Variants in COLQ observed in about 807,000 individuals in gnomAD.
COLQ encodes the protein collagen like tail subunit of asymmetric acetylcholinesterase.
In COLQ, 48 loss-of-function variants were observed where a neutral mutation model predicts 69.0. That is an observed-to-expected ratio of 0.70 (90% confidence interval 0.55 to 0.88). The LOEUF (loss-of-function observed/expected upper bound fraction) is 0.88, where lower values mean the gene tolerates loss of function less well. Among genes scored for constraint, COLQ ranks in the 40% least tolerant of loss-of-function variants. The probability of loss-of-function intolerance (pLI) is 0.00; values close to 1 mark genes in which losing one functional copy is unlikely to be tolerated. For missense variants in COLQ, 618 were observed against 594.6 expected (o/e 1.04, Z -0.41); for synonymous variants, 217 against 211.2 (o/e 1.03, Z -0.24).
intron 12 of COLQ, among the ~76,000 whole-genome samples, chr3:15,461,880 C>T (rs1008517578): frequency 1.1e-4 from 16 of 150,028 alleles, no homozygotes; most frequent in Admixed American, 2.6e-4. Context: ...CAGTTTTTTC[C>T]CCCCCGAGAA....
chr3:15,490,700 A>C (rs1051738811), intron 1 of COLQ, among the ~76,000 whole-genome samples: 1 of 152,256 alleles, frequency 6.6e-6, no homozygotes, highest in African/African-American at 2.4e-5. Context: ...ATCCACCAGA[A>C]TGGCTAAAGC....
chr3:15,464,254 G>A (rs528575406), intron 12 of COLQ, among the ~76,000 whole-genome samples: 1 of 152,308 alleles, frequency 6.6e-6, no homozygotes, highest in African/African-American at 2.4e-5. Flanking sequence ...TCCTTGGAAA[G>A]TTGAACTGTG....
chr3:15,483,346 AT>A (rs2125129662), intron 3 of COLQ, among the ~76,000 whole-genome samples: 1 of 152,234 alleles, frequency 6.6e-6, no homozygotes, highest in South Asian at 2.1e-4. Flanking sequence ...TCTTGTGGGC[AT>A]TTAGTGCTAT....
intron 12 of COLQ, among the ~76,000 whole-genome samples, chr3:15,459,791 T>TTTA (rs3067773): frequency 0.35 from 52,609 of 149,946 alleles, 9,484 homozygotes; most frequent in East Asian, 0.51. Flanking sequence ...GCACCCATAT[T>TTTA]TTATTATTAT....
At chr3:15,472,556 A>C (rs9855575) in intron 10 of COLQ, among the ~76,000 whole-genome samples, 8,954 of 152,298 alleles carry the variant, frequency 0.059, 433 homozygotes, top group African/African-American at 0.13. Flanking sequence ...TGGTTTGAGA[A>C]CTATGTTAAA....
intron 8 of COLQ, among the ~76,000 whole-genome samples, 188 bp downstream of exon 8, chr3:15,474,737 C>T (rs2062349261): frequency 6.6e-6 from 1 of 152,210 alleles, no homozygotes; most frequent in South Asian, 2.1e-4. Flanking sequence ...CTTCTCTTAC[C>T]AGCTTGCCCT....
chr3:15,483,318 T>G (rs931246451), intron 3 of COLQ, among the ~76,000 whole-genome samples: 1 of 152,242 alleles, frequency 6.6e-6, no homozygotes, highest in Non-Finnish European at 1.5e-5. Context: ...GTGTCTATTT[T>G]AGATCTTTCC....
chr3:15,465,354 C>T lies in COLQ; in HGVS notation c.814+987G>A, dbSNP rs1342316356. ...CGATCTCGACTCACTGCAAGCTCCG[C>T]CTCCCAGGTTCATGCCGTTCTCCTG... On this transcript the variant is annotated intron_variant, in intron 12 of 16. Transcript: ENST00000383788. Among the ~76,000 whole-genome samples the T allele has an allele frequency of 2.0e-5, 3 of 150,352 alleles. No homozygotes were observed. The East Asian group carries it at 5.9e-4, about 30-fold the overall frequency.
intron 3 of COLQ, among the ~76,000 whole-genome samples, chr3:15,487,247 G>A (rs975678491): frequency 1.3e-5 from 2 of 152,182 alleles, no homozygotes; most frequent in African/African-American, 4.8e-5. Flanking sequence ...GTCCTGAGTG[G>A]CCAACAGGAG....
In COLQ at chr3:15,453,948, A is replaced by C; in HGVS notation, c.1196-17T>G. On this transcript the variant is annotated splice_polypyrimidine_tract_variant and intron_variant, in intron 15 of 16. Transcript: ENST00000383788. ...GGTGACAGCCTGAGGGGACATAAGG[A>C]GGTGCAGTCTTGAGAAGGAGCAGAG... The C allele has an allele frequency of 3.2e-6, 5 of 1,574,198 alleles. No individual in the cohort carries two copies. The highest frequency in any genetic ancestry group is 4.3e-6 in the Non-Finnish European group (5 of 1,151,416).
At chr3:15,503,147 C>G (rs2062855825) in intron 1 of COLQ, among the ~76,000 whole-genome samples, 1 of 152,224 alleles carries the variant, frequency 6.6e-6, no homozygotes, top group Admixed American at 6.5e-5. Flanking sequence ...GCTGTCCTCA[C>G]TGCTCTAGTC....
chr3:15,498,160 G>T (rs936228709), intron 1 of COLQ, among the ~76,000 whole-genome samples: 5 of 152,042 alleles, frequency 3.3e-5, no homozygotes, highest in African/African-American at 1.2e-4. Flanking sequence ...TCAAAGCCAA[G>T]GTACCAGCTG....
intron 1 of COLQ, among the ~76,000 whole-genome samples, chr3:15,520,391 G>A (rs1272987330): frequency 3.9e-5 from 6 of 152,248 alleles, no homozygotes; most frequent in South Asian, 2.1e-4. Context: ...GCCCACAAAC[G>A]TTGGCTACAC....
At chr3:15,477,443 T>C in intron 5 of COLQ, 1 of 514,628 alleles carries the variant, frequency 1.9e-6, no homozygotes, top group South Asian at 2.2e-5. Flanking sequence ...ACTTCTTGGT[T>C]TTTTAATTTT....
chr3:15,482,908 G>A (rs2062513709), intron 3 of COLQ, among the ~76,000 whole-genome samples: 1 of 152,158 alleles, frequency 6.6e-6, no homozygotes, highest in Admixed American at 6.5e-5. Context: ...GGTCAATTCA[G>A]GGATTCAGCT....
Position 15,474,045 on chromosome 3 carries a change from G to A in COLQ, c.601-10C>T, listed in dbSNP as rs1159814050. 1.2e-6 allele frequency: 2 copies of A among 1,614,024 alleles called. No individual in the cohort carries two copies. The highest frequency in any genetic ancestry group is 1.7e-6 in the Non-Finnish European group (2 of 1,180,008). The stretch of plus-strand genomic sequence containing the variant: ...GAAATCCTGGGAAACCCTGTGAAAA[G>A]AGCAACAAATAATTGTGATCACCTC... On this transcript the variant is annotated splice_polypyrimidine_tract_variant and intron_variant, in intron 9 of 16. Coordinates refer to ENST00000383788, the MANE Select transcript of COLQ (RefSeq NM_005677.4).
rs1355860694 is a variant in COLQ, at chr3:15,467,849, G to A, written c.718-1412C>T. On this transcript the variant is annotated intron_variant, in intron 11 of 16. Coordinates refer to ENST00000383788, the MANE Select transcript of COLQ (RefSeq NM_005677.4). The stretch of plus-strand genomic sequence containing the variant: ...CCAGCCACAACGGTGACAGGTGACC[G>A]GCTGCCTTGTCCACATGGCACTGGG... The A allele has an allele frequency of 1.3e-5, 6 of 456,524 alleles. 1 individual carries two copies. The highest frequency in any genetic ancestry group is 3.2e-4 in the Middle Eastern group (1 of 3,098). 28.3% of individuals were successfully genotyped at this position (456,524 alleles called of 1,614,324 possible).
chr3:15,460,343 A>G (rs1321738449), intron 12 of COLQ, among the ~76,000 whole-genome samples: 1 of 152,250 alleles, frequency 6.6e-6, no homozygotes, highest in Non-Finnish European at 1.5e-5. Flanking sequence ...GAAAAGCACC[A>G]GAACAAAAGC....
chr3:15,489,882 G>A lies in COLQ; in HGVS notation c.107-245C>T, dbSNP rs375446343. Among the ~76,000 whole-genome samples, 301 of 152,298 alleles carry A rather than the reference G, an allele frequency of 2.0e-3. 1 individual carries two copies. Among genetic ancestry groups the A allele is most frequent in the African/African-American group, 7.0e-3 (290 of 41,554 alleles). The stretch of plus-strand genomic sequence containing the variant: ...TTGTCTGGACACTGACCATTATAAG[G>A]TTCAATTCTCCTTCCTCAGATACTG... On this transcript the variant is annotated intron_variant, in intron 1 of 16. Coordinates refer to ENST00000383788, the MANE Select transcript of COLQ (RefSeq NM_005677.4).
Sources: allele counts gnomAD v4.1 joint callset (sites outside exome capture counted in the v4.1 genomes callset), GRCh38; gene constraint gnomAD v4.1.1; transcripts MANE v1.5; gene names NCBI Gene and HGNC (gene_info 2026-07-23, HGNC 2026-07-21).